The following FAAH2 variants were observed in gnomAD, a reference collection of about 807,000 sequenced individuals.
FAAH2 encodes fatty acid amide hydrolase 2.
A neutral mutation model predicts 36.9 loss-of-function variants in FAAH2; 60 were observed. That is an observed-to-expected ratio of 1.63 (90% CI 1.32 to 2.02). The LOEUF is 2.02. FAAH2 is among the 30% of genes most tolerant of loss of function. FAAH2 has a pLI of 0.00. For synonymous variants in FAAH2, 214 were observed against 143.8 expected (o/e 1.49, Z -3.49); for missense variants, 689 against 397.5 (o/e 1.73, Z -6.23).
intron 7 of FAAH2, among the ~76,000 whole-genome samples, chrX:57,419,817 G>A (rs2055959322): frequency 8.9e-6 from 1 of 111,839 alleles, no homozygotes; most frequent in South Asian, 3.7e-4. Flanking sequence ...GAATGGTAAT[G>A]CCTAGGTTTT....
At position 57,309,071 on chromosome X, in the gene FAAH2, G is replaced by T. The variant is rs188809063; in HGVS notation, c.276-1522G>T. On this transcript the variant is annotated intron_variant, in intron 2 of 10. Transcript: ENST00000374900. Reference sequence around the variant, plus strand: ...TTATTAAAGTTATTTTAAGTCACATGAAAGGTTATGTAAAGGATTTTAAAT... The same window carrying T: ...TTATTAAAGTTATTTTAAGTCACATTAAAGGTTATGTAAAGGATTTTAAAT... Among the ~76,000 whole-genome samples the T allele has an allele frequency of 4.1e-3, 463 of 112,138 alleles. 3 individuals carry two copies. The highest frequency in any genetic ancestry group is 0.014 in the African/African-American group (443 of 30,948).
At chrX:57,191,816 G>T in the FAAH2 span, among the ~76,000 whole-genome samples, 2 of 111,702 alleles carry the variant, frequency 1.8e-5, no homozygotes, top group Non-Finnish European at 3.8e-5. Flanking sequence ...TTGCTTTGGG[G>T]TTCTCTATTC....
upstream of FAAH2, among the ~76,000 whole-genome samples, chrX:57,282,180 C>T (rs2051761010): frequency 8.9e-6 from 1 of 112,018 alleles, no homozygotes; most frequent in South Asian, 3.7e-4. Context: ...ACTTATATCG[C>T]CTATAGCAGT....
intron 10 of FAAH2, among the ~76,000 whole-genome samples, chrX:57,486,756 A>G (rs923836858): frequency 1.3e-4 from 15 of 111,691 alleles, no homozygotes; most frequent in African/African-American, 4.2e-4. Context: ...CTTCTTTGGC[A>G]CTGTTACAGC....
the FAAH2 span, among the ~76,000 whole-genome samples, chrX:57,257,783 G>A: frequency 3.6e-5 from 4 of 110,367 alleles, no homozygotes; most frequent in South Asian, 1.6e-3. Context: ...TGAAAAATCT[G>A]GACCCCAAAA....
chrX:57,391,253 CT>C (rs777202597), intron 7 of FAAH2, among the ~76,000 whole-genome samples: 3 of 111,164 alleles, frequency 2.7e-5, no homozygotes, highest in African/African-American at 9.8e-5. Flanking sequence ...CAAATATTTT[CT>C]TCTCTTCTGT....
the FAAH2 span, among the ~76,000 whole-genome samples, chrX:57,229,935 T>A: frequency 8.9e-6 from 1 of 111,859 alleles, no homozygotes; most frequent in Non-Finnish European, 1.9e-5. Context: ...AAACTAGGTA[T>A]TTCTCCTCTA....
At chrX:57,344,098 T>C (rs2053758656) in intron 5 of FAAH2, among the ~76,000 whole-genome samples, 1 of 111,010 alleles carries the variant, frequency 9.0e-6, no homozygotes, top group African/African-American at 3.3e-5. Context: ...GATGTATTAT[T>C]GGTTCCATAT....
chrX:57,472,663 G>C (rs2057191689), intron 10 of FAAH2, among the ~76,000 whole-genome samples: 1 of 110,699 alleles, frequency 9.0e-6, no homozygotes, highest in South Asian at 3.8e-4. Context: ...AGATCTCTTT[G>C]TTGGAAGATT....
At chrX:57,441,599 T>C (rs1437838557) in intron 8 of FAAH2, among the ~76,000 whole-genome samples, 1 of 110,391 alleles carries the variant, frequency 9.1e-6, no homozygotes, top group Non-Finnish European at 1.9e-5. Context: ...TTTGTGTGTG[T>C]CTATCTCCTT....
chrX:57,339,231 A>G (rs751273424), intron 4 of FAAH2, among the ~76,000 whole-genome samples: 4 of 112,325 alleles, frequency 3.6e-5, no homozygotes, highest in East Asian at 2.8e-4. Flanking sequence ...TTGAAACTGG[A>G]CCCTTTCTTT....
the FAAH2 span, among the ~76,000 whole-genome samples, chrX:57,161,147 G>A: frequency 1.8e-5 from 2 of 111,772 alleles, no homozygotes; most frequent in East Asian, 2.8e-4. Context: ...CAGGTTGTCC[G>A]GTTTCCATGA....
the FAAH2 span, among the ~76,000 whole-genome samples, chrX:57,252,915 T>C: frequency 8.0e-5 from 9 of 112,305 alleles, no homozygotes; most frequent in South Asian, 3.3e-3. Context: ...GAGAATGAGT[T>C]TGACAAGTTG....
At chrX:57,201,172 C>A in the FAAH2 span, among the ~76,000 whole-genome samples, 1 of 110,194 alleles carries the variant, frequency 9.1e-6, no homozygotes, top group Admixed American at 9.6e-5. Context: ...CCTGTAATCC[C>A]AGCACTTTGG....
the FAAH2 span, among the ~76,000 whole-genome samples, chrX:57,275,184 A>G: frequency 1.3e-4 from 15 of 112,429 alleles, no homozygotes; most frequent in Non-Finnish European, 2.8e-4. Flanking sequence ...AATACCTAGG[A>G]ATTCAACTTA....
At chrX:57,410,173 T>C (rs1230762021) in intron 7 of FAAH2, among the ~76,000 whole-genome samples, 2 of 111,328 alleles carry the variant, frequency 1.8e-5, no homozygotes, top group African/African-American at 6.5e-5. Flanking sequence ...AATGGGGAGT[T>C]TTCTAATTTT....
chrX:57,480,381 G>A (rs1438189582), intron 10 of FAAH2, among the ~76,000 whole-genome samples: 2 of 111,810 alleles, frequency 1.8e-5, no homozygotes, highest in Non-Finnish European at 3.8e-5. Flanking sequence ...CTGGCAAACC[G>A]AATCCAGCAG....
intron 8 of FAAH2, among the ~76,000 whole-genome samples, chrX:57,442,494 A>T (rs779644255): frequency 8.2e-4 from 91 of 110,913 alleles, no homozygotes; most frequent in Admixed American, 2.4e-3. Context: ...ATTTTGAGCC[A>T]ATGTGTGTCT....
chrX:57,413,074 G>GT (rs1174617978), intron 7 of FAAH2, among the ~76,000 whole-genome samples: 2 of 111,897 alleles, frequency 1.8e-5, no homozygotes, highest in East Asian at 2.8e-4. Flanking sequence ...GGTGAGGTTT[G>GT]TTTTTTTCTT....
Sources: allele counts gnomAD v4.1 joint callset (sites outside exome capture counted in the v4.1 genomes callset), GRCh38; gene constraint gnomAD v4.1.1; transcripts MANE v1.5; gene names NCBI Gene and HGNC (gene_info 2026-07-23, HGNC 2026-07-21).